Variants in BACH2 observed in about 807,000 individuals in gnomAD.
BACH2 encodes transcription regulator protein BACH2.
A neutral mutation model predicts 61.8 loss-of-function variants in BACH2; 5 were observed. The ratio of observed to expected loss-of-function variants is 0.08; its 90% CI spans 0.04 to 0.17. The LOEUF (loss-of-function observed/expected upper bound fraction) is 0.17. Among genes scored for constraint, BACH2 ranks in the 10% least tolerant of loss-of-function variants. The pLI is 1.00. For missense variants in BACH2, 824 were observed against 1,091.1 expected (o/e 0.76, Z 3.45); for synonymous variants, 446 against 440.1 (o/e 1.01, Z -0.17).
chr6:90,242,523 TATAA>T (rs973668856), intron 3 of BACH2, among the ~76,000 whole-genome samples: 5 of 152,214 alleles, frequency 3.3e-5, no homozygotes, highest in African/African-American at 7.2e-5. Flanking sequence ...TTTTGACAGT[TATAA>T]ATAAAGCTGC....
At chr6:90,030,057 G>A (rs1010449951) in intron 5 of BACH2, among the ~76,000 whole-genome samples, 1 of 152,166 alleles carries the variant, frequency 6.6e-6, no homozygotes, top group African/African-American at 2.4e-5. Flanking sequence ...GAAACACATT[G>A]CCCATTGGCT....
chr6:90,211,374 T>C (rs1265474316), intron 3 of BACH2, among the ~76,000 whole-genome samples: 1 of 152,070 alleles, frequency 6.6e-6, no homozygotes, highest in African/African-American at 2.4e-5. Flanking sequence ...CTGAGGGTTA[T>C]ACTCTGATGT....
At chr6:90,211,774 G>C (rs1769363411) in intron 3 of BACH2, among the ~76,000 whole-genome samples, 1 of 152,106 alleles carries the variant, frequency 6.6e-6, no homozygotes, top group Non-Finnish European at 1.5e-5. Flanking sequence ...GTCAAAGCTG[G>C]GTAGCTCAGG....
chr6:90,176,585 A>G (rs1257138854), intron 4 of BACH2, among the ~76,000 whole-genome samples: 1 of 152,112 alleles, frequency 6.6e-6, no homozygotes, highest in East Asian at 1.9e-4. Context: ...ACCGGAGGAG[A>G]GGGATGTAGG....
At position 89,932,391 on chromosome 6, in the gene BACH2, G is replaced by A. The variant is rs761793535; in HGVS notation, c.*17C>T. 1.1e-5 allele frequency: 18 copies of A among 1,601,384 alleles called. No homozygotes were observed. Among genetic ancestry groups the A allele is most frequent in the Non-Finnish European group, 7.7e-6 (9 of 1,169,890 alleles). The stretch of plus-strand genomic sequence containing the variant: ...TGGATGGGAGAGGTGTGCGGACTGG[G>A]AGGCAGAGCCGAGTCACTAGGTATA... On this transcript the variant is annotated 3_prime_UTR_variant, in exon 9 of 9. Transcript: ENST00000257749.
intron 3 of BACH2, among the ~76,000 whole-genome samples, chr6:90,225,274 G>A (rs563866073): frequency 6.1e-4 from 93 of 152,220 alleles, no homozygotes; most frequent in African/African-American, 2.1e-3. Context: ...CCAGCTACTC[G>A]GGAGGCTGAT....
chr6:90,121,704 C>A (rs562700096), intron 4 of BACH2, among the ~76,000 whole-genome samples: 3 of 151,956 alleles, frequency 2.0e-5, no homozygotes, highest in African/African-American at 7.3e-5. Context: ...ACCACCATAC[C>A]CAGCTAATTT....
chr6:90,127,356 C>T (rs1395011484), intron 4 of BACH2, among the ~76,000 whole-genome samples: 7 of 152,304 alleles, frequency 4.6e-5, no homozygotes, highest in Admixed American at 3.3e-4. Context: ...GCCTCTCCCC[C>T]GGCCTCTGTT....
At chr6:90,116,916 AT>A (rs1783424860) in intron 4 of BACH2, 4 of 494,268 alleles carry the variant, frequency 8.1e-6, no homozygotes, top group African/African-American at 2.0e-5. Flanking sequence ...TTCTCTGACC[AT>A]TCCCTATGTC....
At chr6:90,057,904 C>CT (rs1417251618) in intron 5 of BACH2, among the ~76,000 whole-genome samples, 1 of 152,130 alleles carries the variant, frequency 6.6e-6, no homozygotes, top group Non-Finnish European at 1.5e-5. Flanking sequence ...CAGAAAAGGC[C>CT]TTTGACAAAA....
chr6:90,242,480 C>T (rs77091110), intron 3 of BACH2, among the ~76,000 whole-genome samples: 2,834 of 152,278 alleles, frequency 0.019, 36 homozygotes, highest in Admixed American at 0.035. Flanking sequence ...TTTATCAATT[C>T]ATCTAATGAA....
chr6:90,173,808 TGA>T (rs1458826851), intron 4 of BACH2, among the ~76,000 whole-genome samples: 4 of 152,160 alleles, frequency 2.6e-5, no homozygotes, highest in Non-Finnish European at 5.9e-5. Context: ...TTAAAATATG[TGA>T]GTTTGATCAT....
At chr6:90,238,216 T>C (rs894908759) in intron 3 of BACH2, among the ~76,000 whole-genome samples, 1 of 152,212 alleles carries the variant, frequency 6.6e-6, no homozygotes, top group Non-Finnish European at 1.5e-5. Context: ...TGTTCTCTCT[T>C]ATCGATCGAT....
At chr6:90,058,882 C>T (rs1281341973) in intron 5 of BACH2, among the ~76,000 whole-genome samples, 1 of 152,164 alleles carries the variant, frequency 6.6e-6, no homozygotes, top group Non-Finnish European at 1.5e-5. Context: ...GAAAGGATTC[C>T]CTATTTAATA....
At chr6:90,068,724 G>T (rs150633463) in intron 5 of BACH2, among the ~76,000 whole-genome samples, 8 of 151,636 alleles carry the variant, frequency 5.3e-5, no homozygotes, top group African/African-American at 1.9e-4. Context: ...AAGTTATTCT[G>T]CTAAGTAAAA....
intron 4 of BACH2, among the ~76,000 whole-genome samples, chr6:90,108,984 A>T (rs766025371): frequency 6.6e-6 from 1 of 152,140 alleles, no homozygotes; most frequent in Non-Finnish European, 1.5e-5. Context: ...TCCCTGGGAC[A>T]TCAATTTCTC....
intron 5 of BACH2, among the ~76,000 whole-genome samples, chr6:90,009,103 A>G (rs1777568595): frequency 6.6e-6 from 1 of 152,172 alleles, no homozygotes; most frequent in Non-Finnish European, 1.5e-5. Context: ...GCATTCTTTT[A>G]CCCCATGGTA....
At chr6:90,290,395 C>T (rs1359707666) in intron 1 of BACH2, among the ~76,000 whole-genome samples, 1 of 152,208 alleles carries the variant, frequency 6.6e-6, no homozygotes, top group Non-Finnish European at 1.5e-5. Context: ...ACTGGGTTTG[C>T]TCCCCATTAG....
intron 1 of BACH2, among the ~76,000 whole-genome samples, chr6:90,276,795 A>G (rs1030249909): frequency 6.6e-6 from 1 of 152,182 alleles, no homozygotes; most frequent in Non-Finnish European, 1.5e-5. Flanking sequence ...TTTTGGTACC[A>G]ATCACACCTT....
Sources: gnomAD v4.1 joint callset for allele counts (sites outside exome capture counted in the v4.1 genomes callset) on GRCh38, gnomAD v4.1.1 for gene constraint, MANE v1.5 for transcripts, NCBI Gene and HGNC (gene_info 2026-07-23, HGNC 2026-07-21) for gene names.